Variants in RFX8 observed in about 807,000 individuals in gnomAD.
RFX8 encodes the protein regulatory factor X8.
A neutral mutation model predicts 54.6 loss-of-function variants in RFX8; 46 were observed. The observed-to-expected ratio is 0.84, with a 90% CI of 0.67 to 1.08. The LOEUF (loss-of-function observed/expected upper bound fraction) is 1.08, where lower values mean the gene tolerates loss of function less well. Among genes scored for constraint, RFX8 ranks in the 50% least tolerant of loss-of-function variants. RFX8 has a pLI of 0.00. For synonymous variants in RFX8, 192 were observed against 209.5 expected, an observed-to-expected ratio of 0.92 and a Z score of 0.72; for missense variants, 536 against 562.3, an observed-to-expected ratio of 0.95 and a Z score of 0.47.
At position 101,462,527 on chromosome 2, in the gene RFX8, A is replaced by T. The variant is rs138505397; in HGVS notation, c.72+4250T>A. 9.3e-3 allele frequency among the ~76,000 whole-genome samples: 1,413 copies of T among 152,300 alleles called. 9 individuals carry two copies. The highest frequency in any genetic ancestry group is 0.018 in the Admixed American group (281 of 15,296). Reference sequence around the variant, plus strand: ...GCACTTGAAAATATCTTAATGTAAAAATGTTTATGATATTTGAGGCAAAAA... The same window carrying T: ...GCACTTGAAAATATCTTAATGTAAATATGTTTATGATATTTGAGGCAAAAA... On this transcript the variant is annotated intron_variant, in intron 2 of 11. Coordinates refer to ENST00000428343, the MANE Select transcript of RFX8 (RefSeq NM_001145664.2).
At chr2:101,444,587 T>C (rs1178104352) in intron 2 of RFX8, among the ~76,000 whole-genome samples, 1 of 152,138 alleles carries the variant, frequency 6.6e-6, no homozygotes, top group Non-Finnish European at 1.5e-5. Flanking sequence ...TTTCAAGCAG[T>C]CATTATAAAA....
intron 11 of RFX8, among the ~76,000 whole-genome samples, chr2:101,401,555 A>C (rs953079715): frequency 3.3e-5 from 5 of 152,164 alleles, no homozygotes; most frequent in Non-Finnish European, 5.9e-5. Flanking sequence ...AAAAAGAAGA[A>C]GGCGGATAGC....
intron 2 of RFX8, among the ~76,000 whole-genome samples, chr2:101,455,332 G>A (rs1408974332): frequency 2.0e-5 from 3 of 151,924 alleles, no homozygotes; most frequent in Non-Finnish European, 2.9e-5. Context: ...TTTCTTCTAT[G>A]GTTTTTATCG....
chr2:101,416,345 C>T (rs1379399663), intron 6 of RFX8, among the ~76,000 whole-genome samples: 3 of 152,142 alleles, frequency 2.0e-5, no homozygotes, highest in African/African-American at 7.2e-5. Flanking sequence ...GCTTTTGCAG[C>T]AAGTCCCAGT....
intron 9 of RFX8, 89 bp from the exon 10 acceptor site, chr2:101,406,146 C>T (rs779122778): frequency 1.4e-6 from 1 of 699,550 alleles, no homozygotes; most frequent in Middle Eastern, 2.5e-4. Flanking sequence ...TTGTCATGCA[C>T]ACGCATTTTT....
intron 2 of RFX8, among the ~76,000 whole-genome samples, chr2:101,440,743 G>A (rs1259071883): frequency 6.6e-6 from 1 of 152,166 alleles, no homozygotes; most frequent in Non-Finnish European, 1.5e-5. Context: ...TGCAAGTGGA[G>A]GTGGTCTTGG....
At chr2:101,436,680 T>C (rs1270113009) in intron 2 of RFX8, among the ~76,000 whole-genome samples, 1 of 152,206 alleles carries the variant, frequency 6.6e-6, no homozygotes, top group Non-Finnish European at 1.5e-5. Context: ...AGCTCGCTTC[T>C]GGGTTTTAAA....
At chr2:101,435,921 A>G (rs377204851) in intron 2 of RFX8, among the ~76,000 whole-genome samples, 12 of 152,274 alleles carry the variant, frequency 7.9e-5, no homozygotes, top group African/African-American at 2.6e-4. Context: ...TGCATTTTTC[A>G]GCACGATTCA....
chr2:101,434,487 T>C lies in RFX8; in HGVS notation c.73-12015A>G, dbSNP rs1687661560. On this transcript the variant is annotated intron_variant, in intron 2 of 11. Transcript: ENST00000428343. ...GTATAAGACATCCACGATCACCTTC[T>C]TGAGGCAAAACTCAGCCACTGGGGG... is the stretch of plus-strand genomic sequence containing the variant. 2.0e-5 allele frequency among the ~76,000 whole-genome samples: 3 copies of C among 152,306 alleles called. No homozygotes were observed. In the South Asian group the frequency reaches 6.2e-4, roughly 32 times the overall value.
intron 2 of RFX8, among the ~76,000 whole-genome samples, chr2:101,452,716 C>T (rs1688751874): frequency 6.6e-6 from 1 of 152,170 alleles, no homozygotes. Flanking sequence ...AATGCCAACA[C>T]TTTGGGAGGC....
chr2:101,421,232 A>G (rs539162494), intron 4 of RFX8: 1 of 983,308 alleles, frequency 1.0e-6, no homozygotes, highest in Admixed American at 6.1e-5. Flanking sequence ...CTCACACTGC[A>G]GAAGATGAAA....
At chr2:101,405,221 G>A (rs922452778) in intron 10 of RFX8, among the ~76,000 whole-genome samples, 2 of 150,260 alleles carry the variant, frequency 1.3e-5, no homozygotes, top group African/African-American at 2.5e-5. Context: ...ATCTCAGCTC[G>A]CCACAACTTC....
intron 2 of RFX8, among the ~76,000 whole-genome samples, chr2:101,436,131 G>A (rs1355394678): frequency 6.6e-6 from 1 of 152,124 alleles, no homozygotes; most frequent in East Asian, 1.9e-4. Flanking sequence ...CAGGTTCAGG[G>A]ACCTGGGAAT....
At chr2:101,450,413 G>C (rs998335750) in intron 2 of RFX8, among the ~76,000 whole-genome samples, 32 of 152,026 alleles carry the variant, frequency 2.1e-4, no homozygotes, top group Non-Finnish European at 8.8e-5. Context: ...AGTAGAGATG[G>C]AGATTTGCCA....
intron 9 of RFX8, among the ~76,000 whole-genome samples, chr2:101,408,962 C>G (rs114764313): frequency 2.6e-5 from 4 of 152,334 alleles, no homozygotes; most frequent in African/African-American, 7.2e-5. Context: ...CCCAGAGCCA[C>G]GCTTCCAGCC....
At chr2:101,472,340 G>A (rs1434846429) in intron 1 of RFX8, among the ~76,000 whole-genome samples, 3 of 152,074 alleles carry the variant, frequency 2.0e-5, no homozygotes, top group African/African-American at 4.8e-5. Context: ...GAGCTCAAGT[G>A]ATCCACCTGC....
chr2:101,435,298 C>G (rs1377617015), intron 2 of RFX8, among the ~76,000 whole-genome samples: 1 of 152,140 alleles, frequency 6.6e-6, no homozygotes, highest in Non-Finnish European at 1.5e-5. Flanking sequence ...AAAGCTGACA[C>G]GGTGAGAGAG....
At chr2:101,467,804 A>G (rs1689661022) in intron 1 of RFX8, among the ~76,000 whole-genome samples, 1 of 152,018 alleles carries the variant, frequency 6.6e-6, no homozygotes, top group Non-Finnish European at 1.5e-5. Context: ...GGCCTGGGTC[A>G]GAAAGTGTCC....
At chr2:101,463,735 A>G (rs1161008019) in intron 2 of RFX8, among the ~76,000 whole-genome samples, 1 of 152,014 alleles carries the variant, frequency 6.6e-6, no homozygotes, top group Non-Finnish European at 1.5e-5. Flanking sequence ...TGAAATAAGA[A>G]CTATACAGCC....
Sources: allele counts gnomAD v4.1 joint callset (sites outside exome capture counted in the v4.1 genomes callset), GRCh38; gene constraint gnomAD v4.1.1; transcripts MANE v1.5; gene names NCBI Gene and HGNC (gene_info 2026-07-23, HGNC 2026-07-21).